Variants in SLIT3 observed in about 807,000 individuals in gnomAD.
SLIT3 encodes the protein slit homolog 3 protein.
A neutral mutation model predicts 184.0 loss-of-function variants in SLIT3; 68 were observed. That is an observed-to-expected ratio of 0.37 (90% CI 0.30 to 0.45). The LOEUF (loss-of-function observed/expected upper bound fraction) is 0.45. Ranked by LOEUF, SLIT3 falls within the 20% of genes least tolerant of loss-of-function variation. The pLI is 1.00. For missense variants in SLIT3, 1,707 were observed against 2,026.0 expected (o/e 0.84, Z 3.02); for synonymous variants, 831 against 828.6 (o/e 1.00, Z -0.05).
At chr5:169,140,145 T>C (rs1688943007) in intron 4 of SLIT3, among the ~76,000 whole-genome samples, 1 of 151,504 alleles carries the variant, frequency 6.6e-6, no homozygotes, top group Non-Finnish European at 1.5e-5. Context: ...CACAGGCAGC[T>C]GGAGATGGGG....
intron 6 of SLIT3, among the ~76,000 whole-genome samples, chr5:168,828,073 C>A (rs185441889): frequency 3.3e-5 from 5 of 152,230 alleles, no homozygotes; most frequent in African/African-American, 9.6e-5. Flanking sequence ...CATAACTGCT[C>A]GGAAAGAAGA....
chr5:169,181,895 A>G (rs1763170593), intron 4 of SLIT3, among the ~76,000 whole-genome samples: 1 of 152,174 alleles, frequency 6.6e-6, no homozygotes, highest in Admixed American at 6.5e-5. Flanking sequence ...TTCTTTAGAC[A>G]GAGCATTTTG....
At chr5:168,936,468 C>T (rs188180300) in intron 4 of SLIT3, among the ~76,000 whole-genome samples, 1,539 of 152,192 alleles carry the variant, frequency 0.01, 24 homozygotes, top group African/African-American at 0.035. Flanking sequence ...CTCCTGACCT[C>T]GTGATCCACC....
chr5:168,951,653 A>G (rs764422737), intron 4 of SLIT3, among the ~76,000 whole-genome samples: 1 of 152,198 alleles, frequency 6.6e-6, no homozygotes, highest in African/African-American at 2.4e-5. Flanking sequence ...GCTTTTGACA[A>G]TAGGAAGGAG....
chr5:168,982,702 C>A (rs1754991038), intron 4 of SLIT3, among the ~76,000 whole-genome samples: 1 of 152,154 alleles, frequency 6.6e-6, no homozygotes. Flanking sequence ...TTAGTCCTCA[C>A]AAAGTTTTTA....
At chr5:168,832,016 T>C (rs970574524) in intron 6 of SLIT3, among the ~76,000 whole-genome samples, 64 of 152,200 alleles carry the variant, frequency 4.2e-4, no homozygotes, top group African/African-American at 1.5e-3. Flanking sequence ...TCCGAAGAAC[T>C]CCTTATTCAT....
At chr5:169,140,042 T>G (rs1462204890) in intron 4 of SLIT3, among the ~76,000 whole-genome samples, 2 of 151,960 alleles carry the variant, frequency 1.3e-5, no homozygotes, top group African/African-American at 4.8e-5. Flanking sequence ...TTCTTCCTGG[T>G]GGAGGAATCT....
intron 4 of SLIT3, among the ~76,000 whole-genome samples, chr5:169,015,563 T>C (rs1203584894): frequency 2.0e-5 from 3 of 152,142 alleles, no homozygotes; most frequent in Admixed American, 6.5e-5. Context: ...TCTAACCTTA[T>C]TGATAAAATT....
At chr5:168,997,032 GA>G (rs760756894) in intron 4 of SLIT3, among the ~76,000 whole-genome samples, 2 of 152,168 alleles carry the variant, frequency 1.3e-5, no homozygotes, top group Non-Finnish European at 2.9e-5. Flanking sequence ...GCACTCTCAA[GA>G]AATCATGATG....
At chr5:169,171,471 TTG>T (rs1762817106) in intron 4 of SLIT3, among the ~76,000 whole-genome samples, 2 of 152,350 alleles carry the variant, frequency 1.3e-5, no homozygotes, top group Admixed American at 1.3e-4. Flanking sequence ...TCCTTTGTGC[TTG>T]TGTGTTTTTC....
At chr5:169,264,630 GT>G (rs1766328036) in intron 1 of SLIT3, among the ~76,000 whole-genome samples, 1 of 152,140 alleles carries the variant, frequency 6.6e-6, no homozygotes, top group South Asian at 2.1e-4. Context: ...AACAGCATGT[GT>G]TTGAAAACCA....
At chr5:168,671,709 A>C (rs1346007691) in intron 33 of SLIT3, among the ~76,000 whole-genome samples, 1 of 152,146 alleles carries the variant, frequency 6.6e-6, no homozygotes, top group Non-Finnish European at 1.5e-5. Context: ...CCAATATGTA[A>C]TATTAGAAAA....
intron 4 of SLIT3, among the ~76,000 whole-genome samples, chr5:169,007,815 A>G (rs899159842): frequency 5.3e-5 from 8 of 152,240 alleles, no homozygotes; most frequent in Non-Finnish European, 7.3e-5. Context: ...TGGGCTCCCC[A>G]TGACTTCTCT....
intron 6 of SLIT3, among the ~76,000 whole-genome samples, chr5:168,843,485 G>C (rs930330015): frequency 2.0e-5 from 3 of 152,156 alleles, no homozygotes; most frequent in African/African-American, 4.8e-5. Context: ...GGCTAGAATC[G>C]TACCATGGGA....
At chr5:169,007,974 C>T (rs963667204) in intron 4 of SLIT3, among the ~76,000 whole-genome samples, 2 of 152,206 alleles carry the variant, frequency 1.3e-5, no homozygotes, top group Non-Finnish European at 2.9e-5. Flanking sequence ...AGGTCTGGTC[C>T]TGAGCTTTGT....
chr5:169,048,549 G>T (rs377005348), intron 4 of SLIT3, among the ~76,000 whole-genome samples: 1 of 152,138 alleles, frequency 6.6e-6, no homozygotes, highest in African/African-American at 2.4e-5. Flanking sequence ...AGGCATCACC[G>T]GCGGCGTAGC....
At position 168,684,040 on chromosome 5, in the gene SLIT3, C is replaced by G. The variant is rs779110666; in HGVS notation, c.3612G>C (p.Leu1204=). 5.0e-6 allele frequency: 8 copies of G among 1,607,848 alleles called. No homozygotes were observed. The highest frequency in any genetic ancestry group is 6.8e-6 in the Non-Finnish European group (8 of 1,176,960). The stretch of plus-strand genomic sequence containing the variant: ...CGTGGCCCTGGTACAGCTCCAGTGC[C>G]AGGGGGTCATTGTCTCCTTTGTAGA... The part of the protein sequence containing the change: ...ILLYKGDNDP[L]ALELYQGHVR... Residue 1204 remains leucine, a synonymous_variant, in exon 32 of 36, where the codon CTG becomes CTC. Transcript: ENST00000519560.
intron 4 of SLIT3, chr5:168,995,665 G>A (rs1755487059): frequency 6.6e-6 from 1 of 152,128 alleles, no homozygotes; most frequent in South Asian, 2.1e-4. Context: ...GGTTTTCATT[G>A]GTCAGACGAA....
At chr5:168,884,884 A>C (rs1024022426) in intron 4 of SLIT3, among the ~76,000 whole-genome samples, 2 of 151,896 alleles carry the variant, frequency 1.3e-5, no homozygotes, top group East Asian at 3.9e-4. Context: ...TCACAGGTTA[A>C]ATGGGTCCTG....
Sources: gnomAD v4.1 joint callset for allele counts (sites outside exome capture counted in the v4.1 genomes callset) on GRCh38, gnomAD v4.1.1 for gene constraint, MANE v1.5 for transcripts, NCBI Gene and HGNC (gene_info 2026-07-23, HGNC 2026-07-21) for gene names.